Variants in TRPC5 observed in about 807,000 individuals in gnomAD.
The protein encoded by TRPC5 is short transient receptor potential channel 5.
Under a neutral mutation model 56.5 loss-of-function variants are expected in TRPC5, and 9 were observed. That is an observed-to-expected ratio of 0.16 (90% CI 0.10 to 0.28). The LOEUF is 0.28. Among genes scored for constraint, TRPC5 ranks in the 10% least tolerant of loss-of-function variants. The probability of loss-of-function intolerance (pLI) is 1.00; values close to 1 mark genes in which losing one functional copy is unlikely to be tolerated. For missense variants in TRPC5, 469 were observed against 748.9 expected (o/e 0.63, Z 4.36); for synonymous variants, 282 against 278.5 (o/e 1.01, Z -0.13).
chrX:112,021,854 T>C (rs1283220055), intron 1 of TRPC5, among the ~76,000 whole-genome samples: 2 of 112,610 alleles, frequency 1.8e-5, no homozygotes, highest in Non-Finnish European at 1.9e-5. Flanking sequence ...CATATTCCAA[T>C]GGAATGCTTA....
At chrX:111,865,229 C>G (rs1056719103) in intron 3 of TRPC5, among the ~76,000 whole-genome samples, 2 of 109,784 alleles carry the variant, frequency 1.8e-5, no homozygotes, top group East Asian at 2.9e-4. Flanking sequence ...TTACCCCCCC[C>G]AGCCTGGTCT....
intron 1 of TRPC5, among the ~76,000 whole-genome samples, chrX:112,074,368 C>G (rs760652591): frequency 3.1e-4 from 34 of 109,058 alleles, no homozygotes; most frequent in African/African-American, 9.6e-4. Flanking sequence ...AGCAAACTAT[C>G]GCAAGGACAA....
intron 2 of TRPC5, among the ~76,000 whole-genome samples, chrX:111,945,866 G>A (rs1032595910): frequency 5.3e-5 from 6 of 112,284 alleles, no homozygotes; most frequent in South Asian, 7.4e-4. Flanking sequence ...GTGAAAAAGA[G>A]TAGTTGTTTG....
intron 7 of TRPC5, among the ~76,000 whole-genome samples, chrX:111,788,902 A>G (rs1260308782): frequency 9.0e-6 from 1 of 111,707 alleles, no homozygotes; most frequent in Non-Finnish European, 1.9e-5. Flanking sequence ...CCATTGCTCA[A>G]TGAAATAAAA....
intron 1 of TRPC5, among the ~76,000 whole-genome samples, chrX:112,014,535 C>G (rs1929072506): frequency 8.9e-6 from 1 of 112,226 alleles, no homozygotes; most frequent in South Asian, 3.7e-4. Flanking sequence ...TAATCATCTC[C>G]TTATTCTAAT....
chrX:112,030,704 T>G (rs978932863), intron 1 of TRPC5, among the ~76,000 whole-genome samples: 7 of 112,297 alleles, frequency 6.2e-5, no homozygotes, highest in Non-Finnish European at 1.3e-4. Context: ...AAGCATTGCA[T>G]CCATCACCTA....
chrX:111,937,679 G>T (rs868023018), intron 2 of TRPC5, among the ~76,000 whole-genome samples: 6 of 99,783 alleles, frequency 6.0e-5, no homozygotes, highest in Middle Eastern at 5.1e-3. Flanking sequence ...TATTTCTGAG[G>T]GCTCTGTTCT....
At chrX:111,825,732 A>G (rs1922213689) in intron 7 of TRPC5, among the ~76,000 whole-genome samples, 1 of 111,915 alleles carries the variant, frequency 8.9e-6, no homozygotes, top group African/African-American at 3.2e-5. Flanking sequence ...CTTAGATCCA[A>G]GACTAGTGCA....
chrX:112,068,032 G>A (rs1930629171), intron 1 of TRPC5, among the ~76,000 whole-genome samples: 1 of 112,370 alleles, frequency 8.9e-6, no homozygotes, highest in Non-Finnish European at 1.9e-5. Flanking sequence ...GCATAGACAG[G>A]TTAGGAAATT....
At chrX:111,998,119 T>C (rs1928594380) in intron 1 of TRPC5, among the ~76,000 whole-genome samples, 1 of 111,587 alleles carries the variant, frequency 9.0e-6, no homozygotes, top group Admixed American at 9.6e-5. Context: ...TCTCTCCCCA[T>C]CTTTGTGGTT....
intron 6 of TRPC5, among the ~76,000 whole-genome samples, chrX:111,838,294 T>C (rs1236626835): frequency 9.0e-6 from 1 of 110,849 alleles, no homozygotes; most frequent in East Asian, 2.8e-4. Context: ...TATTACAGTG[T>C]GGTCCGGTCA....
intron 1 of TRPC5, among the ~76,000 whole-genome samples, chrX:111,975,816 A>C (rs780238723): frequency 2.7e-5 from 3 of 112,232 alleles, no homozygotes; most frequent in Non-Finnish European, 3.8e-5. Flanking sequence ...AGGCAGGAGA[A>C]TGGAGCAAAG....
chrX:111,901,762 G>T, intron 3 of TRPC5: 1 of 735,509 alleles, frequency 1.4e-6, no homozygotes, highest in Non-Finnish European at 1.9e-6. Flanking sequence ...CAGAACCATT[G>T]TTAGCCCCTT....
Position 111,772,711 on chromosome X carries a change from A to G in TRPC5, c.*3602T>C. On this transcript the variant is annotated 3_prime_UTR_variant, in exon 11 of 11. Transcript: ENST00000262839. ...CCTCCCAAAGTGCTGGGATTACAGG[A>G]GTGGGCCACCATGCCCAGCCTCAAT... Among the ~76,000 whole-genome samples the G allele has an allele frequency of 9.0e-6, 1 of 111,429 alleles. No homozygotes were observed. Among genetic ancestry groups the G allele is most frequent in the Admixed American group, 9.6e-5 (1 of 10,426 alleles).
chrX:111,853,948 C>T lies in TRPC5; in HGVS notation c.1059G>A (p.Arg353=). The T allele has an allele frequency of 8.3e-7, 1 of 1,211,585 alleles. No homozygotes were observed. The highest frequency in any genetic ancestry group is 1.1e-6 in the Non-Finnish European group (1 of 895,489). ...MLSIAYLISP[R]SNLGLFIKKP... ...TCTTGATGAACAGCCCAAGGTTGCT[C>T]CTGGGTGAGATCAGGTAGGCTATAG... Residue 353 remains arginine, a synonymous_variant, in exon 4 of 11, where the codon AGG becomes AGA. Transcript: ENST00000262839.
intron 7 of TRPC5, among the ~76,000 whole-genome samples, chrX:111,818,584 C>T (rs936637443): frequency 9.2e-6 from 1 of 108,770 alleles, no homozygotes; most frequent in Admixed American, 9.9e-5. Flanking sequence ...TATTACCTAC[C>T]ACTTTTCTTT....
chrX:111,797,557 C>T (rs990831733), intron 7 of TRPC5, among the ~76,000 whole-genome samples: 5 of 112,115 alleles, frequency 4.5e-5, no homozygotes, highest in Admixed American at 2.8e-4. Flanking sequence ...ATTAGACCCA[C>T]TGCTAGATTT....
At chrX:111,851,159 A>G (rs764415955) in intron 5 of TRPC5, among the ~76,000 whole-genome samples, 2 of 112,644 alleles carry the variant, frequency 1.8e-5, no homozygotes, top group Admixed American at 1.9e-4. Context: ...TTCAATATGC[A>G]TGCTCTACAT....
intron 1 of TRPC5, among the ~76,000 whole-genome samples, chrX:112,019,301 A>T (rs1019759529): frequency 4.4e-5 from 5 of 112,470 alleles, no homozygotes; most frequent in African/African-American, 1.6e-4. Flanking sequence ...CTACAGAAGG[A>T]GGCAATTCTT....
Sources: allele counts gnomAD v4.1 joint callset (sites outside exome capture counted in the v4.1 genomes callset), GRCh38; gene constraint gnomAD v4.1.1; transcripts MANE v1.5; gene names NCBI Gene and HGNC (gene_info 2026-07-23, HGNC 2026-07-21).